RNF150: variants seen among roughly 807,000 people sequenced by gnomAD.
RNF150 encodes ring finger protein 150.
RNF150 carries 24 observed loss-of-function variants against 39.3 expected under a neutral mutation model. That is an observed-to-expected ratio of 0.61 (90% CI 0.44 to 0.86). The LOEUF is 0.86. Among genes scored for constraint, RNF150 ranks in the 40% least tolerant of loss-of-function variants. RNF150 has a pLI of 0.00. For missense variants in RNF150, 502 were observed against 587.8 expected (o/e 0.85, Z 1.51); for synonymous variants, 255 against 227.3 (o/e 1.12, Z -1.10).
chr4:141,139,378 T>C (rs1397685911), intron 1 of RNF150, among the ~76,000 whole-genome samples: 2 of 152,120 alleles, frequency 1.3e-5, no homozygotes, highest in African/African-American at 4.8e-5. Flanking sequence ...GAAGGTGGAG[T>C]GTGGTCATTT....
chr4:140,912,551 C>T (rs1172852867), intron 5 of RNF150, among the ~76,000 whole-genome samples: 3 of 152,200 alleles, frequency 2.0e-5, no homozygotes, highest in Non-Finnish European at 2.9e-5. Context: ...AACTCACGGA[C>T]TCCTAGGGAA....
In RNF150 at chr4:141,010,999, G is replaced by A. The variant is rs571394023; in HGVS notation, c.485-43126C>T. On this transcript the variant is annotated intron_variant, in intron 1 of 6. Transcript: ENST00000515673. ...CTTTTCTTATAATACGTATAACAAT[G>A]GAATACTTTTATCTCGAGGTATTGT... 2.0e-5 allele frequency among the ~76,000 whole-genome samples: 3 copies of A among 152,048 alleles called. No individual in the cohort carries two copies. In the East Asian group the frequency reaches 5.8e-4, roughly 29 times the overall value.
At chr4:141,198,861 A>G (rs2111213430) in intron 1 of RNF150, among the ~76,000 whole-genome samples, 1 of 152,356 alleles carries the variant, frequency 6.6e-6, no homozygotes, top group Admixed American at 6.5e-5. Context: ...CAAAAGCATA[A>G]TTCATCAAAT....
intron 1 of RNF150, among the ~76,000 whole-genome samples, chr4:141,119,269 A>G (rs1177301184): frequency 6.6e-6 from 1 of 152,216 alleles, no homozygotes; most frequent in East Asian, 1.9e-4. Flanking sequence ...AATTCTGACA[A>G]CCTGTTTCTG....
At chr4:141,044,771 G>GCACACACACACA (rs71584391) in intron 1 of RNF150, among the ~76,000 whole-genome samples, 175 of 146,640 alleles carry the variant, frequency 1.2e-3, no homozygotes, top group African/African-American at 4.3e-3. Context: ...GGTGTGCAGC[G>GCACACACACACA]CACACACACA....
chr4:141,132,668 G>C lies in RNF150; in HGVS notation c.141C>G (p.Thr47=). Residue 47 remains threonine, a synonymous_variant, in exon 1 of 7, where the codon ACC becomes ACG. Transcript: ENST00000515673. The surrounding 1 kb of genome is among the most constrained non-coding windows in gnomAD (Gnocchi z 4.9). ...EEWYTAFVNI[T]YAEPAPDPGA... ...CGGGGTCCGGCGCGGGCTCGGCGTAGGTGATGTTCACGAAGGCGGTGTACC... is the reference window on the plus strand; with the variant it reads ...CGGGGTCCGGCGCGGGCTCGGCGTACGTGATGTTCACGAAGGCGGTGTACC... 6.2e-7 allele frequency: 1 copy of C among 1,607,108 alleles called. No homozygotes were observed. Among genetic ancestry groups the C allele is most frequent in the Non-Finnish European group, 8.5e-7 (1 of 1,177,448 alleles).
At position 140,897,034 on chromosome 4, in the gene RNF150, G is replaced by T. The variant is rs535962150; in HGVS notation, c.1198+14110C>A. Among the ~76,000 whole-genome samples, 58 of 152,268 alleles carry T rather than the reference G, an allele frequency of 3.8e-4. No individual in the cohort carries two copies. The South Asian group carries it at 5.2e-3, about 14-fold the overall frequency. ...GTATTTTGGGATTTGGACCAGGGCT[G>T]TAAGGATCCAGTGGTCATCTTTATT... On this transcript the variant is annotated intron_variant, in intron 6 of 6. Transcript: ENST00000515673.
In RNF150 at chr4:141,132,866, T is replaced by C. The variant is rs2111112987; in HGVS notation, c.-58A>G. On this transcript the variant is annotated 5_prime_UTR_variant, in exon 1 of 7. Transcript: ENST00000515673. The surrounding 1 kb of genome is among the most constrained non-coding windows in gnomAD (Gnocchi z 4.9). ...CGCCCTCCCTCCGTCCCGTCCCTCC[T>C]CCCCAGCCCCGGCCAACCCCGGGCC... 1.4e-6 allele frequency: 2 copies of C among 1,432,022 alleles called. No homozygotes were observed. The highest frequency in any genetic ancestry group is 1.4e-5 in the African/African-American group (1 of 69,656). The allele number at this position is 1,432,022 out of a possible 1,614,324, so 88.7% of individuals were successfully genotyped here.
chr4:141,075,623 T>C (rs1464849330), intron 1 of RNF150, among the ~76,000 whole-genome samples: 3 of 152,268 alleles, frequency 2.0e-5, no homozygotes, highest in Non-Finnish European at 4.4e-5. Context: ...CTGCAGCTTC[T>C]GAAATACTGT....
At chr4:141,186,907 C>G (rs530214495) in intron 1 of RNF150, among the ~76,000 whole-genome samples, 1 of 151,772 alleles carries the variant, frequency 6.6e-6, no homozygotes, top group Admixed American at 6.6e-5. Flanking sequence ...TTTTGCATTT[C>G]TTTGCTCTTG....
At chr4:141,124,238 C>G (rs909830451) in intron 1 of RNF150, among the ~76,000 whole-genome samples, 1 of 152,258 alleles carries the variant, frequency 6.6e-6, no homozygotes, top group East Asian at 1.9e-4. Context: ...AAGTCTACTA[C>G]TTTCTGATGC....
At chr4:140,945,250 T>C (rs1438868289) in intron 4 of RNF150, among the ~76,000 whole-genome samples, 1 of 152,144 alleles carries the variant, frequency 6.6e-6, no homozygotes, top group Non-Finnish European at 1.5e-5. Context: ...CTAATGTACA[T>C]TAAAATCCCT....
At chr4:140,997,690 G>GCACTCCAGCCTA in intron 1 of RNF150, among the ~76,000 whole-genome samples, 1 of 139,670 alleles carries the variant, frequency 7.2e-6, no homozygotes, top group Non-Finnish European at 1.6e-5. Context: ...ACTCCAGCCT[G>GCACTCCAGCCTA]TGTGTGTATA....
At chr4:140,969,356 T>C (rs1291894844) in intron 1 of RNF150, among the ~76,000 whole-genome samples, 1 of 152,150 alleles carries the variant, frequency 6.6e-6, no homozygotes, top group Non-Finnish European at 1.5e-5. Flanking sequence ...GGTTTGGCTG[T>C]TATTTCTGGG....
chr4:140,928,468 G>C (rs2111327319), intron 4 of RNF150, among the ~76,000 whole-genome samples: 1 of 152,284 alleles, frequency 6.6e-6, no homozygotes, highest in Non-Finnish European at 1.5e-5. Context: ...ACCCAAGTTG[G>C]ATAAAGCCAT....
At chr4:141,045,521 CT>C (rs904790197) in intron 1 of RNF150, among the ~76,000 whole-genome samples, 17 of 151,920 alleles carry the variant, frequency 1.1e-4, no homozygotes, top group African/African-American at 3.9e-4. Context: ...GGAACACATT[CT>C]TTTTTTATTT....
chr4:141,162,771 G>T (rs1347555462), intron 1 of RNF150, among the ~76,000 whole-genome samples: 1 of 152,150 alleles, frequency 6.6e-6, no homozygotes, highest in South Asian at 2.1e-4. Flanking sequence ...GTGCTATCCA[G>T]CCCAGATACT....
intron 3 of RNF150, among the ~76,000 whole-genome samples, chr4:140,949,000 C>T (rs937154472): frequency 1.7e-4 from 26 of 152,110 alleles, no homozygotes; most frequent in Admixed American, 2.6e-4. Context: ...AATTTGAGAC[C>T]CATTTCTAGT....
Position 141,132,799 on chromosome 4 carries a change from ACATTGC to A in RNF150, c.4_9del (p.Ala2_Met3del). 1 of 1,609,408 alleles carries A rather than the reference ACATTGC, an allele frequency of 6.2e-7. No individual in the cohort carries two copies. The highest frequency in any genetic ancestry group is 8.5e-7 in the Non-Finnish European group (1 of 1,178,038). On this transcript the variant is annotated inframe_deletion, in exon 1 of 7. Transcript: ENST00000515673. The surrounding 1 kb of genome is among the most constrained non-coding windows in gnomAD (Gnocchi z 4.9). ...AGACTGCAGCACGCTTGGATGAGAG[ACATTGC>A]CATCTTTATCCGCCGGGGCCCCCTC...
Sources: allele counts gnomAD v4.1 joint callset (sites outside exome capture counted in the v4.1 genomes callset), GRCh38; gene constraint gnomAD v4.1.1; non-coding constraint Gnocchi (gnomAD v3.1); transcripts MANE v1.5; gene names NCBI Gene and HGNC (gene_info 2026-07-23, HGNC 2026-07-21).